The following NRG1 variants were observed in gnomAD, a reference collection of about 807,000 sequenced individuals.
NRG1 encodes the protein neuregulin 1, also known as pro-neuregulin-1, membrane-bound isoform.
NRG1 carries 18 observed loss-of-function variants against 63.8 expected under a neutral mutation model. The observed-to-expected ratio is 0.28, with a 90% CI of 0.19 to 0.42. NRG1 has a LOEUF of 0.42. Among genes scored for constraint, NRG1 ranks in the 10% least tolerant of loss-of-function variants. The pLI is 1.00. For synonymous variants in NRG1, 302 were observed against 301.3 expected (o/e 1.00, Z -0.02); for missense variants, 762 against 814.7 (o/e 0.94, Z 0.79).
chr8:31,907,115 G>A (rs1189799032), intron 1 of NRG1, among the ~76,000 whole-genome samples: 2 of 152,070 alleles, frequency 1.3e-5, no homozygotes, highest in African/African-American at 2.4e-5. Flanking sequence ...GGTATACACA[G>A]CTTTAGGGCA....
chr8:32,407,209 T>C lies in NRG1; in HGVS notation c.38-188619T>C, dbSNP rs150241130. Among the ~76,000 whole-genome samples the C allele has an allele frequency of 4.4e-3, 652 of 148,060 alleles. 10 individuals carry two copies. Among genetic ancestry groups the C allele is most frequent in the African/African-American group, 0.016 (632 of 40,288 alleles). On this transcript the variant is annotated intron_variant, in intron 1 of 10. Coordinates refer to the NRG1 transcript ENST00000519301. ...AGTGTACAAATATTAGGGTCACTGA[T>C]ACTCTGTGACGCAATTCAATGATTT...
At chr8:32,012,602 G>T (rs1814929673) in intron 1 of NRG1, among the ~76,000 whole-genome samples, 1 of 152,030 alleles carries the variant, frequency 6.6e-6, no homozygotes, top group East Asian at 1.9e-4. Flanking sequence ...AATTACCAGG[G>T]TTTACATTTT....
chr8:31,881,112 T>G (rs1830314691), intron 1 of NRG1, among the ~76,000 whole-genome samples: 1 of 152,192 alleles, frequency 6.6e-6, no homozygotes, highest in Non-Finnish European at 1.5e-5. Flanking sequence ...TACAGACATA[T>G]GTGGTTTTAT....
At chr8:32,194,885 A>T (rs1842820669) in intron 1 of NRG1, among the ~76,000 whole-genome samples, 1 of 152,172 alleles carries the variant, frequency 6.6e-6, no homozygotes, top group African/African-American at 2.4e-5. Context: ...AGAAAAAAAA[A>T]TTGTAACATA....
chr8:31,820,276 C>G (rs1159101731), intron 1 of NRG1, among the ~76,000 whole-genome samples: 1 of 152,148 alleles, frequency 6.6e-6, no homozygotes, highest in Non-Finnish European at 1.5e-5. Context: ...AATTATGAAA[C>G]TTGGAGCTTA....
At chr8:32,267,005 C>T (rs557642224) in intron 1 of NRG1, among the ~76,000 whole-genome samples, 236 of 151,338 alleles carry the variant, frequency 1.6e-3, no homozygotes, top group African/African-American at 4.7e-3. Flanking sequence ...GCCAAGATTG[C>T]GCCACTGCAC....
chr8:31,701,329 A>T (rs889511275), intron 1 of NRG1, among the ~76,000 whole-genome samples: 56 of 151,666 alleles, frequency 3.7e-4, no homozygotes, highest in African/African-American at 1.3e-3. Flanking sequence ...AACATTTCTC[A>T]CTCTTGTGAG....
At chr8:32,353,491 TAAAG>T (rs1805917728) in intron 1 of NRG1, among the ~76,000 whole-genome samples, 1 of 151,948 alleles carries the variant, frequency 6.6e-6, no homozygotes, top group Admixed American at 6.6e-5. Context: ...ATAAAGAAGA[TAAAG>T]AAAAATGGGC....
At chr8:31,857,434 G>A (rs1259171907) in intron 1 of NRG1, among the ~76,000 whole-genome samples, 2 of 152,226 alleles carry the variant, frequency 1.3e-5, no homozygotes. Context: ...GACCCCTTGG[G>A]CTTCCCGAGT....
chr8:32,745,879 A>T (rs1827339674), intron 7 of NRG1, among the ~76,000 whole-genome samples: 1 of 152,204 alleles, frequency 6.6e-6, no homozygotes, highest in African/African-American at 2.4e-5. Context: ...ATTTTAAAAG[A>T]TTGTAATTTT....
chr8:32,547,021 A>C (rs3802161), upstream of NRG1, among the ~76,000 whole-genome samples: 4 of 152,336 alleles, frequency 2.6e-5, no homozygotes, highest in South Asian at 4.1e-4. Context: ...TTTAAAGTGA[A>C]GCAATAGATT....
At chr8:32,619,848 C>T (rs1379160620) in intron 5 of NRG1, among the ~76,000 whole-genome samples, 2 of 152,066 alleles carry the variant, frequency 1.3e-5, no homozygotes, top group Non-Finnish European at 2.9e-5. Context: ...ATTTTAGATT[C>T]AGCGGGTACA....
chr8:32,606,502 A>G (rs1845312329), intron 3 of NRG1, among the ~76,000 whole-genome samples: 1 of 152,090 alleles, frequency 6.6e-6, no homozygotes, highest in Non-Finnish European at 1.5e-5. Context: ...TTATTCCAGG[A>G]AATTAAAAGA....
chr8:32,611,785 T>C (rs112849889), intron 3 of NRG1, among the ~76,000 whole-genome samples: 4,179 of 152,200 alleles, frequency 0.027, 77 homozygotes, highest in Non-Finnish European at 0.038. Context: ...CATAAGTGAA[T>C]GTTGGAATAC....
chr8:32,748,351 A>ACG (rs1827931424), intron 7 of NRG1, among the ~76,000 whole-genome samples: 2 of 110,656 alleles, frequency 1.8e-5, no homozygotes, highest in African/African-American at 2.8e-5. Flanking sequence ...ACACACACAC[A>ACG]CACACACAGA....
chr8:31,929,402 G>A (rs1309969190), intron 1 of NRG1, among the ~76,000 whole-genome samples: 5 of 151,704 alleles, frequency 3.3e-5, no homozygotes, highest in African/African-American at 1.2e-4. Flanking sequence ...TTGGATTTTT[G>A]AATAGTGCTT....
chr8:31,892,117 TG>T, intron 1 of NRG1, among the ~76,000 whole-genome samples: 1 of 152,232 alleles, frequency 6.6e-6, no homozygotes, highest in African/African-American at 2.4e-5. Flanking sequence ...GATGTTACCA[TG>T]GGGGCAACTG....
chr8:31,774,149 A>G (rs764012751), intron 1 of NRG1, among the ~76,000 whole-genome samples: 3 of 152,010 alleles, frequency 2.0e-5, no homozygotes, highest in South Asian at 2.1e-4. Flanking sequence ...CTTTCCTCCA[A>G]GTACACTGGG....
chr8:32,106,044 A>G (rs117457159), intron 1 of NRG1, among the ~76,000 whole-genome samples: 4,183 of 152,294 alleles, frequency 0.027, 78 homozygotes, highest in Non-Finnish European at 0.041. Context: ...CTTAGGATAC[A>G]GAATTATATG....
Sources: gnomAD v4.1 joint callset for allele counts (sites outside exome capture counted in the v4.1 genomes callset) on GRCh38, gnomAD v4.1.1 for gene constraint, MANE v1.5 for transcripts, NCBI Gene and HGNC (gene_info 2026-07-23, HGNC 2026-07-21) for gene names.